The following KANTR variants were observed in gnomAD, a reference collection of about 807,000 sequenced individuals.
KANTR encodes the protein KDM5C adjacent transcript.
Position 53,102,083 on chromosome X carries a change from T to C in KANTR, c.-805+2475T>C, listed in dbSNP as rs781805596. Among the ~76,000 whole-genome samples the C allele has an allele frequency of 8.1e-5, 9 of 110,463 alleles. No individual in the cohort carries two copies. The South Asian group carries it at 3.4e-3, about 42-fold the overall frequency. Reference sequence around the variant, plus strand: ...TTTTGAAATGTGAAAATTACCAAAATGTAAGACAGAGACACTAAGTGAGCA... The same window carrying C: ...TTTTGAAATGTGAAAATTACCAAAACGTAAGACAGAGACACTAAGTGAGCA... On this transcript the variant is annotated intron_variant, in intron 2 of 2. Transcript: ENST00000604062.
At chrX:53,105,293 T>C (rs1386554424) in intron 2 of KANTR, among the ~76,000 whole-genome samples, 1 of 112,017 alleles carries the variant, frequency 8.9e-6, no homozygotes, top group Non-Finnish European at 1.9e-5. Context: ...TCAACACTTT[T>C]CGTTTGTCTT....
chrX:53,147,394 G>A (rs782205563), downstream of KANTR, among the ~76,000 whole-genome samples: 151 of 111,528 alleles, frequency 1.4e-3, no homozygotes, highest in Non-Finnish European at 2.5e-3. Context: ...ATGGTGAAGG[G>A]ATCAGTTCAA....
chrX:53,147,084 A>G (rs1468256660), downstream of KANTR, among the ~76,000 whole-genome samples: 3 of 111,822 alleles, frequency 2.7e-5, no homozygotes, highest in Non-Finnish European at 5.6e-5. Context: ...ACCAGCTAAC[A>G]TCATAATGAC....
chrX:53,097,107 C>T (rs929175910), intron 1 of KANTR, among the ~76,000 whole-genome samples: 2 of 110,582 alleles, frequency 1.8e-5, no homozygotes, highest in Non-Finnish European at 3.8e-5. Context: ...AGCGAAACTT[C>T]GTCTCAAAAA....
chrX:53,118,280 G>A (rs781992455), intron 2 of KANTR, among the ~76,000 whole-genome samples: 98 of 111,936 alleles, frequency 8.8e-4, no homozygotes, highest in African/African-American at 2.9e-3. Flanking sequence ...ATGAGATCCC[G>A]TTGATCCACA....
chrX:53,114,075 A>AT (rs1301155348), intron 2 of KANTR, among the ~76,000 whole-genome samples: 3 of 107,386 alleles, frequency 2.8e-5, no homozygotes, highest in East Asian at 6.0e-4. Context: ...ATTTTTTTGT[A>AT]TTTTTTGTAG....
chrX:53,102,000 C>CAA (rs201162727), intron 2 of KANTR, among the ~76,000 whole-genome samples: 3 of 43,389 alleles, frequency 6.9e-5, no homozygotes, highest in African/African-American at 1.8e-4. Context: ...AACCCTGTCT[C>CAA]AAAAAAAAAA....
At chrX:53,104,745 A>G (rs1222625911) in intron 2 of KANTR, among the ~76,000 whole-genome samples, 1 of 111,085 alleles carries the variant, frequency 9.0e-6, no homozygotes, top group South Asian at 3.8e-4. Flanking sequence ...ATTCCTTCCT[A>G]TTGTCAAATA....
chrX:53,107,564 G>A (rs930302450), intron 2 of KANTR, among the ~76,000 whole-genome samples: 2 of 108,535 alleles, frequency 1.8e-5, no homozygotes, highest in Non-Finnish European at 3.8e-5. Context: ...GTGAACTTGG[G>A]ATTTATTTAG....
chrX:53,142,271 A>G (rs782481757), exon 3 of KANTR: 47 of 131,901 alleles, frequency 3.6e-4, no homozygotes, highest in African/African-American at 1.5e-3. Flanking sequence ...TCTACAATCC[A>G]GTGCTGATAT....
intron 2 of KANTR, among the ~76,000 whole-genome samples, chrX:53,102,308 G>A (rs1932901577): frequency 9.1e-6 from 1 of 110,042 alleles, no homozygotes; most frequent in Non-Finnish European, 1.9e-5. Flanking sequence ...TCTTTTCAAG[G>A]ATTCAGTTCA....
chrX:53,103,303 A>G (rs932122701), intron 2 of KANTR, among the ~76,000 whole-genome samples: 40 of 110,754 alleles, frequency 3.6e-4, no homozygotes, highest in African/African-American at 1.3e-3. Flanking sequence ...AGTACCTGTG[A>G]CTGCATTGTT....
intron 2 of KANTR, among the ~76,000 whole-genome samples, chrX:53,121,235 A>T (rs781887187): frequency 1.8e-5 from 2 of 111,692 alleles, no homozygotes; most frequent in African/African-American, 3.3e-5. Flanking sequence ...TCCTGACCTC[A>T]GGTGATCTGC....
At chrX:53,113,566 C>CTTTTTTT (rs782348418) in intron 2 of KANTR, among the ~76,000 whole-genome samples, 4 of 69,673 alleles carry the variant, frequency 5.7e-5, no homozygotes, top group Non-Finnish European at 5.6e-5. Flanking sequence ...CCTGATTGTT[C>CTTTTTTT]TTTTTTTTTT....
intron 2 of KANTR, among the ~76,000 whole-genome samples, chrX:53,122,050 CTTAT>C (rs1556815579): frequency 3.6e-5 from 4 of 112,335 alleles, no homozygotes; most frequent in African/African-American, 6.5e-5. Flanking sequence ...TCTCTTATCC[CTTAT>C]TTATTTATTC....
chrX:53,145,218 G>A (rs1029530138), downstream of KANTR, among the ~76,000 whole-genome samples: 2 of 111,707 alleles, frequency 1.8e-5, no homozygotes, highest in Admixed American at 9.5e-5. Flanking sequence ...TGCCTCACTC[G>A]GGAAGCACAA....
At chrX:53,098,107 A>G (rs1932861163) in intron 1 of KANTR, among the ~76,000 whole-genome samples, 1 of 109,460 alleles carries the variant, frequency 9.1e-6, no homozygotes, top group African/African-American at 3.3e-5. Context: ...TGTAACTATC[A>G]AAACTAGAAA....
At chrX:53,140,976 A>G (rs1933494697) in intron 2 of KANTR, among the ~76,000 whole-genome samples, 1 of 111,267 alleles carries the variant, frequency 9.0e-6, no homozygotes, top group Non-Finnish European at 1.9e-5. Flanking sequence ...AGCCTGACCA[A>G]CATGATGAAG....
At position 53,094,836 on chromosome X, in the gene KANTR, A is replaced by G. The variant is rs1469805365; in HGVS notation, c.-942+552A>G. On this transcript the variant is annotated intron_variant, in intron 1 of 2. Transcript: ENST00000604062. Reference sequence around the variant, plus strand: ...GTCCTTAGAAAATTTTCAATAAATAATGACTATCTTGACTGAAAAGAATAT... The same window carrying G: ...GTCCTTAGAAAATTTTCAATAAATAGTGACTATCTTGACTGAAAAGAATAT... 3.6e-5 allele frequency: 4 copies of G among 111,902 alleles called. No individual in the cohort carries two copies. The East Asian group carries it at 1.1e-3, about 31-fold the overall frequency. The allele number at this position is 111,902 out of a possible 1,213,427, so 9.2% of individuals were successfully genotyped here. A position where few individuals can be genotyped will look rare whatever the true frequency, so the allele number is the denominator to read the frequency against.
Sources: gnomAD v4.1 joint callset for allele counts (sites outside exome capture counted in the v4.1 genomes callset) on GRCh38, gnomAD v4.1.1 for gene constraint, MANE v1.5 for transcripts, NCBI Gene and HGNC (gene_info 2026-07-23, HGNC 2026-07-21) for gene names.